Variants in CCDC171 observed in about 807,000 individuals in gnomAD.
The protein encoded by CCDC171 is coiled-coil domain-containing protein 171.
A neutral mutation model predicts 168.2 loss-of-function variants in CCDC171; 177 were observed. The ratio of observed to expected loss-of-function variants is 1.05; its 90% CI spans 0.93 to 1.19. The LOEUF is 1.19. CCDC171 is among the 50% of genes most tolerant of loss of function. The pLI is 0.00. For missense variants in CCDC171, 1,991 were observed against 1,539.0 expected, an observed-to-expected ratio of 1.29 and a Z score of -4.91; for synonymous variants, 687 against 540.8, an observed-to-expected ratio of 1.27 and a Z score of -3.75.
the CCDC171 span, among the ~76,000 whole-genome samples, chr9:16,077,265 G>A: frequency 6.6e-6 from 1 of 152,154 alleles, no homozygotes; most frequent in Non-Finnish European, 1.5e-5. Context: ...CTGTGGTTTG[G>A]ACAGGTACAT....
intron 18 of CCDC171, among the ~76,000 whole-genome samples, chr9:15,773,160 G>A (rs935362384): frequency 1.3e-5 from 2 of 152,056 alleles, no homozygotes; most frequent in African/African-American, 4.8e-5. Context: ...GTTGTAGATT[G>A]CTCTCTCTTC....
chr9:15,867,189 G>T (rs1456365764), intron 23 of CCDC171, among the ~76,000 whole-genome samples: 1 of 151,958 alleles, frequency 6.6e-6, no homozygotes, highest in Non-Finnish European at 1.5e-5. Context: ...GTGGATTGTG[G>T]AATGGAATAG....
chr9:15,585,951 G>T (rs1023222118), intron 4 of CCDC171, among the ~76,000 whole-genome samples: 1 of 152,060 alleles, frequency 6.6e-6, no homozygotes, highest in African/African-American at 2.4e-5. Context: ...ACTCTAGCCT[G>T]GATGACAGAG....
At chr9:15,944,786 T>A (rs934679258) in intron 25 of CCDC171, among the ~76,000 whole-genome samples, 1 of 152,088 alleles carries the variant, frequency 6.6e-6, no homozygotes, top group African/African-American at 2.4e-5. Context: ...AAGTAACTCC[T>A]TTATTCTAGG....
At chr9:15,746,028 G>A (rs1311667851) in intron 18 of CCDC171, among the ~76,000 whole-genome samples, 3 of 151,806 alleles carry the variant, frequency 2.0e-5, no homozygotes, top group East Asian at 1.9e-4. Flanking sequence ...TTTATCTCTC[G>A]TTTTGTGATA....
chr9:16,092,491 T>G, the CCDC171 span, among the ~76,000 whole-genome samples: 1 of 152,116 alleles, frequency 6.6e-6, no homozygotes, highest in Non-Finnish European at 1.5e-5. Flanking sequence ...ACTTCCCCCT[T>G]TGTTTCCCAC....
At chr9:15,564,444 T>C (rs2039561785) in intron 2 of CCDC171, among the ~76,000 whole-genome samples, 1 of 152,270 alleles carries the variant, frequency 6.6e-6, no homozygotes, top group South Asian at 2.1e-4. Context: ...TATTTATATT[T>C]CTGTTTTGTT....
intron 3 of CCDC171, among the ~76,000 whole-genome samples, chr9:16,007,664 T>C (rs1161687294): frequency 6.6e-6 from 1 of 152,216 alleles, no homozygotes; most frequent in Non-Finnish European, 1.5e-5. Context: ...TAGCCAGTTT[T>C]CCCAGCACCA....
chr9:15,630,029 A>G lies in CCDC171; in HGVS notation c.822+6616A>G, dbSNP rs896134213. ...CCCTGCAAGAGCTCCTGAAGGAAGC[A>G]CTAAACATGGAAAGGAACAACCGGT... On this transcript the variant is annotated intron_variant, in intron 7 of 25. Coordinates refer to ENST00000380701, the MANE Select transcript of CCDC171 (RefSeq NM_173550.4). Among the ~76,000 whole-genome samples, 123 of 152,244 alleles carry G rather than the reference A, an allele frequency of 8.1e-4. 1 individual carries two copies. The highest frequency in any genetic ancestry group is 2.6e-3 in the African/African-American group (107 of 41,454).
intron 21 of CCDC171, among the ~76,000 whole-genome samples, chr9:15,819,818 C>T (rs1269551967): frequency 8.6e-6 from 1 of 116,942 alleles, no homozygotes; most frequent in Non-Finnish European, 1.9e-5. Flanking sequence ...AGGAATTGAA[C>T]TCAGCTCTGC....
At chr9:15,558,867 T>C (rs1389254698) in intron 1 of CCDC171, among the ~76,000 whole-genome samples, 1 of 152,190 alleles carries the variant, frequency 6.6e-6, no homozygotes, top group Non-Finnish European at 1.5e-5. Flanking sequence ...CTTGTGGGCA[T>C]TTAGTGCTAT....
At chr9:15,901,760 G>C (rs1589051690) in intron 24 of CCDC171, among the ~76,000 whole-genome samples, 1 of 152,044 alleles carries the variant, frequency 6.6e-6, no homozygotes, top group Non-Finnish European at 1.5e-5. Flanking sequence ...AGAGTGGAAG[G>C]CTTTTGCAAT....
chr9:15,955,292 A>G (rs1399006396), intron 25 of CCDC171, among the ~76,000 whole-genome samples: 3 of 152,124 alleles, frequency 2.0e-5, no homozygotes, highest in Non-Finnish European at 4.4e-5. Context: ...AAAGAGAAAG[A>G]TGAAGAGGAG....
chr9:15,983,872 C>T (rs192158765), intron 3 of CCDC171, among the ~76,000 whole-genome samples: 18 of 134,746 alleles, frequency 1.3e-4, no homozygotes, highest in Admixed American at 3.0e-4. Context: ...ATTTGGAAAT[C>T]AGCACTACTG....
chr9:15,688,610 A>G (rs1389774274), intron 10 of CCDC171, among the ~76,000 whole-genome samples: 1 of 152,222 alleles, frequency 6.6e-6, no homozygotes, highest in African/African-American at 2.4e-5. Flanking sequence ...CCTAATGATT[A>G]TCTCAATAGA....
intron 21 of CCDC171, among the ~76,000 whole-genome samples, chr9:15,838,161 G>A (rs533956138): frequency 1.3e-5 from 2 of 152,178 alleles, no homozygotes; most frequent in Admixed American, 6.5e-5. Context: ...GCGTTTATAG[G>A]AAGTAAATAT....
intron 1 of CCDC171, among the ~76,000 whole-genome samples, chr9:16,056,023 T>C (rs1015355795): frequency 6.6e-6 from 1 of 152,240 alleles, no homozygotes; most frequent in Non-Finnish European, 1.5e-5. Context: ...GGAAGAATGC[T>C]TTTATTTTAA....
intron 3 of CCDC171, among the ~76,000 whole-genome samples, chr9:15,979,788 C>T (rs1032318204): frequency 6.6e-5 from 10 of 151,556 alleles, no homozygotes; most frequent in African/African-American, 2.4e-4. Context: ...TAGGCTAATA[C>T]TGGGCTCATA....
chr9:15,858,477 G>A (rs1381098305), intron 23 of CCDC171, among the ~76,000 whole-genome samples: 1 of 152,038 alleles, frequency 6.6e-6, no homozygotes, highest in African/African-American at 2.4e-5. Flanking sequence ...TTCTGATAGG[G>A]ATTACATTGA....
Sources: allele counts gnomAD v4.1 joint callset (sites outside exome capture counted in the v4.1 genomes callset), GRCh38; gene constraint gnomAD v4.1.1; transcripts MANE v1.5; gene names NCBI Gene and HGNC (gene_info 2026-07-23, HGNC 2026-07-21).